Variants in HUWE1 observed in about 807,000 individuals in gnomAD.
HUWE1 encodes the protein E3 ubiquitin-protein ligase HUWE1.
A neutral mutation model predicts 299.4 loss-of-function variants in HUWE1; 18 were observed. The ratio of observed to expected loss-of-function variants is 0.06; its 90% CI spans 0.04 to 0.09. The LOEUF (loss-of-function observed/expected upper bound fraction) is 0.09, where lower values mean the gene tolerates loss of function less well. HUWE1 is among the 10% of genes least tolerant of loss of function. The pLI, the probability that HUWE1 is intolerant of heterozygous loss-of-function variation, is 1.00. For missense variants in HUWE1, 1,832 were observed against 3,462.3 expected (o/e 0.53, Z 11.82); for synonymous variants, 1,317 against 1,286.1 (o/e 1.02, Z -0.51).
At chrX:53,596,900 G>A (rs1442128827) in intron 29 of HUWE1, among the ~76,000 whole-genome samples, 1 of 112,482 alleles carries the variant, frequency 8.9e-6, no homozygotes, top group Non-Finnish European at 1.9e-5. Context: ...AAAGACCATT[G>A]TAAAACAAAC....
chrX:53,557,237 T>C (rs1456296337), intron 60 of HUWE1, 145 bp downstream of exon 60: 6 of 578,730 alleles, frequency 1.0e-5, no homozygotes, highest in Non-Finnish European at 1.6e-5. Context: ...AGATGGGGTA[T>C]GACCCTAAAA....
intron 8 of HUWE1, among the ~76,000 whole-genome samples, chrX:53,633,578 A>G: frequency 8.9e-6 from 1 of 112,770 alleles, no homozygotes. Flanking sequence ...AAGGCTTGCT[A>G]AGATAAATAC....
chrX:53,592,305 G>A (rs1409195522), intron 33 of HUWE1, 93 bp downstream of exon 33: 1 of 620,937 alleles, frequency 1.6e-6, no homozygotes, highest in Non-Finnish European at 2.7e-6. Context: ...ATGTGACCAG[G>A]GACTCAGTGG....
In HUWE1 at chrX:53,546,460, C is replaced by T; in HGVS notation, c.10891G>A (p.Gly3631Ser). The T allele has an allele frequency of 8.3e-7, 1 of 1,210,762 alleles. No individual in the cohort carries two copies. Among genetic ancestry groups the T allele is most frequent in the Admixed American group, 2.2e-5 (1 of 45,984 alleles). Reference sequence around the variant, plus strand: ...CCTATTTGTTTACAAAGGGTATAACCCAGATGGCGGGCTCCATTCAGTAGC... The same window carrying T: ...CCTATTTGTTTACAAAGGGTATAACTCAGATGGCGGGCTCCATTCAGTAGC... ...KLLLNGARHL[G>S]YTLCKQIGTL... The change falls in exon 70 of 84, where the codon GGT becomes AGT. Residue 3631 changes from glycine to serine, a missense_variant. By Grantham distance (56) the Gly-to-Ser change is moderately conservative. Coordinates refer to ENST00000262854, the MANE Select transcript of HUWE1 (RefSeq NM_031407.7).
chrX:53,673,921 G>A (rs1199147533), intron 3 of HUWE1, among the ~76,000 whole-genome samples: 1 of 110,810 alleles, frequency 9.0e-6, no homozygotes, highest in Non-Finnish European at 1.9e-5. Flanking sequence ...AGTTTGCCAT[G>A]GTTTTTTTTA....
intron 19 of HUWE1, among the ~76,000 whole-genome samples, chrX:53,623,782 A>T (rs2066302422): frequency 1.8e-5 from 2 of 112,429 alleles, no homozygotes; most frequent in South Asian, 7.3e-4. Flanking sequence ...TACAAGGTTA[A>T]TATACAAAAA....
At chrX:53,543,388 T>C (rs1230377095) in intron 73 of HUWE1, among the ~76,000 whole-genome samples, 1 of 110,581 alleles carries the variant, frequency 9.0e-6, no homozygotes, top group Non-Finnish European at 1.9e-5. Context: ...CAAGGGATTA[T>C]GGAGAATAAA....
chrX:53,554,152 C>T (rs145590796), intron 61 of HUWE1, among the ~76,000 whole-genome samples: 1,263 of 111,430 alleles, frequency 0.011, 23 homozygotes, highest in African/African-American at 0.04. Flanking sequence ...CAACCACTTA[C>T]AGAGTGACTT....
chrX:53,545,471 A>G (rs1556921948), intron 70 of HUWE1, among the ~76,000 whole-genome samples: 1 of 111,600 alleles, frequency 9.0e-6, no homozygotes, highest in Non-Finnish European at 1.9e-5. Context: ...TCTCAAAATT[A>G]CTGAGGTTCT....
chrX:53,559,334 C>G lies in HUWE1; in HGVS notation c.7915+20G>C, dbSNP rs782155284. 1.7e-6 allele frequency: 2 copies of G among 1,202,431 alleles called. No individual in the cohort carries two copies. Among genetic ancestry groups the G allele is most frequent in the Non-Finnish European group, 1.1e-6 (1 of 888,149 alleles). On this transcript the variant is annotated intron_variant, in intron 57 of 83. Transcript: ENST00000262854. ...TAGAATCTGACAAATTCTACCCTCC[C>G]TTTCACCACACAAACTTGCCTGCTT...
chrX:53,604,882 A>G (rs782147831), intron 25 of HUWE1, 48 bp from the exon 26 acceptor site: 7 of 1,111,037 alleles, frequency 6.3e-6, no homozygotes, highest in African/African-American at 3.6e-5. Flanking sequence ...TGAACTTCAA[A>G]TTCATCATGT....
intron 81 of HUWE1, among the ~76,000 whole-genome samples, chrX:53,535,132 A>T (rs1166876689): frequency 9.1e-6 from 1 of 110,399 alleles, no homozygotes; most frequent in Admixed American, 9.6e-5. Context: ...ACGGGGTTTC[A>T]CCATGTTGGC....
At chrX:53,572,817 T>A (rs1221926534) in intron 47 of HUWE1, among the ~76,000 whole-genome samples, 1 of 111,956 alleles carries the variant, frequency 8.9e-6, no homozygotes, top group African/African-American at 3.3e-5. Context: ...CTTATTTATA[T>A]GGTTTATTCA....
intron 15 of HUWE1, among the ~76,000 whole-genome samples, chrX:53,628,092 G>C (rs782383181): frequency 9.0e-6 from 1 of 111,009 alleles, no homozygotes; most frequent in Non-Finnish European, 1.9e-5. Flanking sequence ...TACTTTGCAG[G>C]ATTAAGTAAG....
At position 53,669,053 on chromosome X, in the gene HUWE1, C is replaced by CA. The variant is rs201799310; in HGVS notation, c.-25+10995dup. Among the ~76,000 whole-genome samples, 986 of 112,329 alleles carry CA rather than the reference C, an allele frequency of 8.8e-3. 14 individuals are homozygous for CA. The highest frequency in any genetic ancestry group is 0.031 in the African/African-American group (949 of 30,922). On this transcript the variant is annotated intron_variant, in intron 3 of 83. Coordinates refer to ENST00000262854, the MANE Select transcript of HUWE1 (RefSeq NM_031407.7). ...GGGTCTCAACTGTTTTGAGCTGGTT[C>CA]AAATGAATTTGGAAGGAATGGAGAC...
intron 73 of HUWE1, 53 bp downstream of exon 73, chrX:53,543,788 G>A: frequency 7.5e-6 from 9 of 1,206,834 alleles, no homozygotes; most frequent in Non-Finnish European, 7.8e-6. Context: ...ATGACATGGT[G>A]GGGGGATGAG....
rs1323838960 is a variant in HUWE1, at chrX:53,594,578, G to T, written c.3424C>A (p.Leu1142Met). 6.6e-6 allele frequency: 8 copies of T among 1,208,081 alleles called. No individual in the cohort carries two copies. Among genetic ancestry groups the T allele is most frequent in the Non-Finnish European group, 9.0e-6 (8 of 893,522 alleles). ...ICSVGFTSPM[L>M]FDERKYPYHL... ...TAGGGATACTTCCTCTCATCAAACA[G>T]CATTGGGGATGTGAAACCAACTGAA... Residue 1142 changes from leucine to methionine, a missense_variant, in exon 31 of 84, where the codon CTG becomes ATG. Around this residue, in one of 15 missense-constraint regions of HUWE1, gnomAD observed 658 missense variants for 1,282.6 expected, o/e 0.51. Transcript: ENST00000262854.
chrX:53,618,568 T>TTC (rs1231139758), intron 19 of HUWE1, among the ~76,000 whole-genome samples: 5 of 106,242 alleles, frequency 4.7e-5, no homozygotes, highest in African/African-American at 1.7e-4. Flanking sequence ...GAATTTTCTT[T>TTC]TTTTTTTTTT....
At chrX:53,613,800 A>G (rs1472321111) in intron 23 of HUWE1, among the ~76,000 whole-genome samples, 2 of 111,984 alleles carry the variant, frequency 1.8e-5, no homozygotes, top group Non-Finnish European at 3.8e-5. Flanking sequence ...CCCCTTAAGG[A>G]CTTCTTAGGA....
Sources: gnomAD v4.1 joint callset for allele counts (sites outside exome capture counted in the v4.1 genomes callset) on GRCh38, gnomAD v4.1.1 for gene constraint, gnomAD v4.1.1 regional missense constraint, MANE v1.5 for transcripts, NCBI Gene and HGNC (gene_info 2026-07-23, HGNC 2026-07-21) for gene names.